PPP6R3: variants seen among roughly 807,000 people sequenced by gnomAD.
PPP6R3 encodes serine/threonine-protein phosphatase 6 regulatory subunit 3.
PPP6R3 carries 38 observed loss-of-function variants against 110.7 expected under a neutral mutation model. The ratio of observed to expected loss-of-function variants is 0.34; its 90% CI spans 0.26 to 0.45. The LOEUF is 0.45. PPP6R3 is among the 20% of genes least tolerant of loss of function. PPP6R3 has a pLI of 1.00. For missense variants in PPP6R3, 870 were observed against 1,062.4 expected (o/e 0.82, Z 2.52); for synonymous variants, 369 against 373.5 (o/e 0.99, Z 0.14).
At chr11:68,540,080 A>T (rs899779916) in intron 3 of PPP6R3, among the ~76,000 whole-genome samples, 7 of 152,194 alleles carry the variant, frequency 4.6e-5, no homozygotes, top group African/African-American at 1.7e-4. Flanking sequence ...GTGAAGGTGG[A>T]GCACCTCTGG....
intron 1 of PPP6R3, among the ~76,000 whole-genome samples, chr11:68,462,037 T>C (rs957309252): frequency 1.1e-4 from 17 of 152,192 alleles, no homozygotes; most frequent in Admixed American, 2.0e-4. Flanking sequence ...CTCTTTTTTT[T>C]TCTCTGTAGT....
chr11:68,564,227 A>C, intron 8 of PPP6R3, 76 bp from the exon 9 acceptor site: 1 of 1,392,102 alleles, frequency 7.2e-7, no homozygotes, highest in Non-Finnish European at 9.8e-7. Context: ...TCATTAAGTA[A>C]AGACATACAT....
Position 68,613,570 on chromosome 11 carries a change from C to CA in PPP6R3, c.*454dup. Reference sequence around the variant, plus strand: ...CAAAATTATGAATTCATTTTTCCTCCAGGCCGACAAGGAGTTGTAGAATGA... The same window carrying CA: ...CAAAATTATGAATTCATTTTTCCTCCAAGGCCGACAAGGAGTTGTAGAATGA... On this transcript the variant is annotated 3_prime_UTR_variant, in exon 24 of 24. Coordinates refer to ENST00000393800, the MANE Select transcript of PPP6R3 (RefSeq NM_001164161.2). 3 of 986,072 alleles carry CA rather than the reference C, an allele frequency of 3.0e-6. No individual in the cohort carries two copies. The South Asian group carries it at 1.4e-4, about 46-fold the overall frequency. The allele number at this position is 986,072 out of a possible 1,614,324, so 61.1% of individuals were successfully genotyped here. A position where few individuals can be genotyped will look rare whatever the true frequency, so the allele number is the denominator to read the frequency against.
chr11:68,563,405 C>T (rs1434923250), intron 8 of PPP6R3, among the ~76,000 whole-genome samples: 1 of 152,208 alleles, frequency 6.6e-6, no homozygotes, highest in Non-Finnish European at 1.5e-5. Context: ...CCTCTTCTCT[C>T]TTCGAAGCAT....
chr11:68,547,228 C>T (rs904567210), intron 4 of PPP6R3, among the ~76,000 whole-genome samples: 9 of 152,036 alleles, frequency 5.9e-5, no homozygotes, highest in Non-Finnish European at 1.2e-4. Context: ...TGGGGTGTGG[C>T]GGTGGGGGTG....
chr11:68,460,911 G>GT (rs932463021), intron 1 of PPP6R3, 84 bp downstream of exon 1: 1 of 284 alleles, frequency 3.5e-3, no homozygotes, highest in African/African-American at 0.022. Context: ...CCCTCCACCT[G>GT]GCCTCAGCGG....
chr11:68,502,460 G>C (rs2099053556), intron 1 of PPP6R3, among the ~76,000 whole-genome samples: 1 of 152,150 alleles, frequency 6.6e-6, no homozygotes, highest in Admixed American at 6.6e-5. Flanking sequence ...GTTGCAGGGG[G>C]CGCTAACCAA....
intron 1 of PPP6R3, among the ~76,000 whole-genome samples, chr11:68,472,666 T>G (rs534034680): frequency 6.6e-6 from 1 of 152,164 alleles, no homozygotes; most frequent in East Asian, 1.9e-4. Context: ...TCACAGACTA[T>G]TCAATTGATC....
chr11:68,495,750 A>C (rs2099011508), intron 1 of PPP6R3, among the ~76,000 whole-genome samples: 1 of 152,104 alleles, frequency 6.6e-6, no homozygotes, highest in Non-Finnish European at 1.5e-5. Context: ...AGATACTTGG[A>C]TGTTTCTGAG....
At chr11:68,604,253 G>A (rs1250531749) in intron 22 of PPP6R3, among the ~76,000 whole-genome samples, 3 of 152,234 alleles carry the variant, frequency 2.0e-5, no homozygotes, top group South Asian at 4.1e-4. Context: ...TTAAAGTCAT[G>A]ACCAAGGATA....
At chr11:68,467,514 A>G (rs555664863) in intron 1 of PPP6R3, among the ~76,000 whole-genome samples, 2 of 152,224 alleles carry the variant, frequency 1.3e-5, no homozygotes, top group Non-Finnish European at 2.9e-5. Context: ...CTATACCTAC[A>G]TGTAAATCTG....
intron 14 of PPP6R3, among the ~76,000 whole-genome samples, chr11:68,580,964 G>C (rs529161817): frequency 6.6e-6 from 1 of 151,964 alleles, no homozygotes; most frequent in East Asian, 1.9e-4. Flanking sequence ...GTAGAGACGG[G>C]GTTTCACCAT....
In PPP6R3 at chr11:68,505,759, A is replaced by G. The variant is rs146601085; in HGVS notation, c.-157-13742A>G. Reference sequence around the variant, plus strand: ...CCTAGCCATGTTTCAGATGCTCAGTAACTGTGTGTGGCTGTGGAACTGGAC... The same window carrying G: ...CCTAGCCATGTTTCAGATGCTCAGTGACTGTGTGTGGCTGTGGAACTGGAC... On this transcript the variant is annotated intron_variant, in intron 1 of 23. Transcript: ENST00000393800. Among the ~76,000 whole-genome samples the G allele has an allele frequency of 2.8e-3, 427 of 152,284 alleles. 2 individuals are homozygous for G. The highest frequency in any genetic ancestry group is 9.8e-3 in the African/African-American group (407 of 41,562).
intron 22 of PPP6R3, chr11:68,609,586 T>A (rs920366376): frequency 7.7e-6 from 12 of 1,551,346 alleles, no homozygotes; most frequent in African/African-American, 1.4e-5. Flanking sequence ...ACATTTCTTT[T>A]TCTGTTTTGC....
At chr11:68,572,844 C>T (rs73504493) in intron 12 of PPP6R3, among the ~76,000 whole-genome samples, 12,565 of 100,654 alleles carry the variant, frequency 0.12, 625 homozygotes, top group Middle Eastern at 0.19. Context: ...TTGTCTCTAC[C>T]TAAATAATCA....
intron 3 of PPP6R3, among the ~76,000 whole-genome samples, chr11:68,540,983 T>C (rs1303996354): frequency 6.6e-6 from 1 of 152,184 alleles, no homozygotes; most frequent in African/African-American, 2.4e-5. Flanking sequence ...TGAAGTGACA[T>C]ACATCCTCCT....
intron 1 of PPP6R3, among the ~76,000 whole-genome samples, chr11:68,474,760 T>C (rs1386247832): frequency 6.6e-6 from 1 of 152,196 alleles, no homozygotes; most frequent in Non-Finnish European, 1.5e-5. Flanking sequence ...TTAAAATCTT[T>C]GTTTTTTCCT....
chr11:68,511,171 G>A (rs1311213039), intron 1 of PPP6R3, among the ~76,000 whole-genome samples: 1 of 151,100 alleles, frequency 6.6e-6, no homozygotes, highest in Non-Finnish European at 1.5e-5. Context: ...GGGTTCAAGC[G>A]AATCTCCTGC....
chr11:68,577,390 C>CA (rs2099536000), intron 14 of PPP6R3, among the ~76,000 whole-genome samples: 1 of 152,064 alleles, frequency 6.6e-6, no homozygotes, highest in African/African-American at 2.4e-5. Flanking sequence ...CCTTTGCAGG[C>CA]AATATAGTCT....
Sources: allele counts gnomAD v4.1 joint callset (sites outside exome capture counted in the v4.1 genomes callset), GRCh38; gene constraint gnomAD v4.1.1; transcripts MANE v1.5; gene names NCBI Gene and HGNC (gene_info 2026-07-23, HGNC 2026-07-21).